The following CMTM8 variants were observed in gnomAD, a reference collection of about 807,000 sequenced individuals.
The protein encoded by CMTM8 is CKLF like MARVEL transmembrane domain containing 8.
A neutral mutation model predicts 18.6 loss-of-function variants in CMTM8; 12 were observed. The observed-to-expected ratio is 0.65, with a 90% confidence interval of 0.41 to 1.05. The LOEUF is 1.05. Ranked by LOEUF, CMTM8 falls within the 50% of genes least tolerant of loss-of-function variation. The probability of loss-of-function intolerance (pLI) is 0.00; values close to 1 mark genes in which losing one functional copy is unlikely to be tolerated. For synonymous variants in CMTM8, 87 were observed against 90.6 expected, an observed-to-expected ratio of 0.96 and a Z score of 0.23; for missense variants, 217 against 227.2, an observed-to-expected ratio of 0.95 and a Z score of 0.29.
intron 1 of CMTM8, among the ~76,000 whole-genome samples, chr3:32,340,970 T>G (rs1037467974): frequency 6.6e-6 from 1 of 152,244 alleles, no homozygotes; most frequent in Non-Finnish European, 1.5e-5. Context: ...CTCTGTAATA[T>G]ATCACCTTTC....
intron 1 of CMTM8, among the ~76,000 whole-genome samples, chr3:32,334,513 A>G (rs1223632924): frequency 6.6e-6 from 1 of 151,580 alleles, no homozygotes; most frequent in African/African-American, 2.4e-5. Flanking sequence ...GGCTGAGGCA[A>G]GAGAATGGTG....
intron 2 of CMTM8, among the ~76,000 whole-genome samples, chr3:32,361,286 G>GTTTTTTTTTTGTTTTTTGTT (rs58364646): frequency 0.24 from 20,583 of 87,110 alleles, 2,691 homozygotes; most frequent in South Asian, 0.38. Flanking sequence ...CAGCCTAAGA[G>GTTTTTTTTTTGTTTTTTGTT]TTTTTTTTTC....
At chr3:32,266,134 T>G (rs1360730407) in intron 1 of CMTM8, among the ~76,000 whole-genome samples, 15 of 151,828 alleles carry the variant, frequency 9.9e-5, no homozygotes, top group African/African-American at 3.4e-4. Context: ...TACCAAAGCC[T>G]GGCAGAGACA....
At chr3:32,259,451 C>T in intron 1 of CMTM8, 2 of 789,134 alleles carry the variant, frequency 2.5e-6, no homozygotes, top group Non-Finnish European at 4.6e-6. Flanking sequence ...TGAGACAGAA[C>T]TGGCCATGTG....
intron 1 of CMTM8, among the ~76,000 whole-genome samples, chr3:32,246,725 G>A (rs1702020411): frequency 6.6e-6 from 1 of 152,106 alleles, no homozygotes; most frequent in Non-Finnish European, 1.5e-5. Flanking sequence ...CATCTTTTAA[G>A]CTAAATCTTT....
chr3:32,262,792 C>T (rs9870788), intron 1 of CMTM8, among the ~76,000 whole-genome samples: 102,348 of 151,900 alleles, frequency 0.67, 36,475 homozygotes, highest in South Asian at 0.81. Context: ...TTTAATCAGC[C>T]GGTCCAAATA....
intron 1 of CMTM8, among the ~76,000 whole-genome samples, chr3:32,297,271 T>A (rs1462533924): frequency 6.6e-6 from 1 of 152,096 alleles, no homozygotes. Flanking sequence ...CTCCACCTCC[T>A]GGGTTCAAGT....
intron 1 of CMTM8, among the ~76,000 whole-genome samples, chr3:32,303,168 C>T (rs1293616250): frequency 6.6e-6 from 1 of 152,182 alleles, no homozygotes; most frequent in Non-Finnish European, 1.5e-5. Flanking sequence ...TAAAAAAGAT[C>T]TTTGTCTTCT....
rs1351090327 is a variant in CMTM8 at position 32,357,575 on chromosome 3, C to T, written c.321+29C>T. 9 of 1,609,608 alleles carry T rather than the reference C, an allele frequency of 5.6e-6. No homozygotes were observed. The African/African-American group carries it at 1.2e-4, about 22-fold the overall frequency. On this transcript the variant is annotated intron_variant, in intron 2 of 3. Coordinates refer to ENST00000307526, the MANE Select transcript of CMTM8 (RefSeq NM_178868.5). ...AGGAAGCTGTGGGTGGTGGTCTTGT[C>T]CAGTGCCCACTCGGTAGATGGCATT...
intron 2 of CMTM8, among the ~76,000 whole-genome samples, chr3:32,363,291 G>A (rs7610559): frequency 0.21 from 31,971 of 152,140 alleles, 3,553 homozygotes; most frequent in East Asian, 0.35. Flanking sequence ...ATCTTTAACA[G>A]TTGGCCTGTG....
chr3:32,363,938 G>A (rs1247399903), intron 2 of CMTM8, among the ~76,000 whole-genome samples: 2 of 152,206 alleles, frequency 1.3e-5, no homozygotes, highest in East Asian at 3.9e-4. Flanking sequence ...GCATCAGCCT[G>A]TACCTTTTCC....
intron 1 of CMTM8, among the ~76,000 whole-genome samples, chr3:32,305,990 A>C (rs1037212814): frequency 2.0e-5 from 3 of 152,182 alleles, no homozygotes; most frequent in Non-Finnish European, 2.9e-5. Context: ...GTTGCTTTGA[A>C]TTGCTTTCCT....
At chr3:32,362,284 C>T (rs1006652694) in intron 2 of CMTM8, among the ~76,000 whole-genome samples, 13 of 151,986 alleles carry the variant, frequency 8.6e-5, no homozygotes, top group Non-Finnish European at 1.6e-4. Context: ...CTCAGGTAAT[C>T]TGCCCGTCTT....
intron 1 of CMTM8, among the ~76,000 whole-genome samples, chr3:32,289,603 G>C (rs1187880770): frequency 1.3e-5 from 2 of 152,200 alleles, no homozygotes; most frequent in African/African-American, 2.4e-5. Context: ...AATATTAGCA[G>C]TGATGCCAGT....
intron 1 of CMTM8, among the ~76,000 whole-genome samples, chr3:32,317,827 G>A (rs148786638): frequency 2.4e-4 from 37 of 152,172 alleles, no homozygotes; most frequent in South Asian, 8.3e-4. Context: ...AAGCAGAGGC[G>A]CGCAGATCAT....
intron 1 of CMTM8, among the ~76,000 whole-genome samples, chr3:32,341,854 G>A (rs965382486): frequency 3.9e-5 from 6 of 152,164 alleles, no homozygotes; most frequent in East Asian, 1.9e-4. Context: ...TAGCCTGGGC[G>A]ACAGAGCAAG....
rs377116969 is a variant in CMTM8 at position 32,358,016 on chromosome 3, A to G, written c.321+470A>G. Among the ~76,000 whole-genome samples, 59 of 152,348 alleles carry G rather than the reference A, an allele frequency of 3.9e-4. 1 individual carries two copies. In the East Asian group the frequency reaches 0.011, roughly 28 times the overall value. On this transcript the variant is annotated intron_variant, in intron 2 of 3. Transcript: ENST00000307526. This position sits in a 1 kb window ranked among gnomAD's most constrained non-coding sequence, Gnocchi z 4.1. ...AGTTAGAATGCAAATGAAAATTGCT[A>G]TTAGAAAACATAGGTGTTCTTATAT...
At chr3:32,242,885 T>A (rs1052316442) in intron 1 of CMTM8, among the ~76,000 whole-genome samples, 12 of 150,300 alleles carry the variant, frequency 8.0e-5, no homozygotes, top group Non-Finnish European at 1.8e-4. Context: ...TGAGACAGAG[T>A]CTGGTTCAGT....
chr3:32,330,676 A>G (rs919728734), intron 1 of CMTM8, among the ~76,000 whole-genome samples: 2 of 152,188 alleles, frequency 1.3e-5, no homozygotes, highest in Non-Finnish European at 2.9e-5. Flanking sequence ...TTTATGGATA[A>G]TAGATCACTT....
Sources: gnomAD v4.1 joint callset for allele counts (sites outside exome capture counted in the v4.1 genomes callset) on GRCh38, gnomAD v4.1.1 for gene constraint, Gnocchi (gnomAD v3.1) non-coding constraint, MANE v1.5 for transcripts, NCBI Gene and HGNC (gene_info 2026-07-23, HGNC 2026-07-21) for gene names.